KEL: variants seen among roughly 807,000 people sequenced by gnomAD.
The protein encoded by KEL is Kell metallo-endopeptidase (Kell blood group), also known as kell blood group glycoprotein.
KEL carries 96 observed loss-of-function variants against 99.5 expected under a neutral mutation model. The ratio of observed to expected loss-of-function variants is 0.97; its 90% CI spans 0.82 to 1.14. The LOEUF is 1.14. Among genes scored for constraint, KEL ranks in the 50% most tolerant of loss-of-function variants. The pLI is 0.00. For synonymous variants in KEL, 355 were observed against 354.8 expected, an observed-to-expected ratio of 1.00 and a Z score of -0.01; for missense variants, 926 against 924.2, an observed-to-expected ratio of 1.00 and a Z score of -0.03.
In KEL at chr7:142,961,261, A is replaced by T. The variant is rs8175961; in HGVS notation, c.223+99T>A. The stretch of plus-strand genomic sequence containing the variant: ...AGGAAGAAGAACCATGGGGACCCCA[A>T]GGGTCAGGGTGGGCAGAAGCCCCAG... On this transcript the variant is annotated intron_variant, in intron 3 of 18. Coordinates refer to ENST00000355265, the MANE Select transcript of KEL (RefSeq NM_000420.3). The T allele has an allele frequency of 7.0e-4, 1,092 of 1,565,316 alleles. 10 individuals carry two copies. In the African/African-American group the frequency reaches 0.013, roughly 19 times the overall value.
intron 10 of KEL, among the ~76,000 whole-genome samples, chr7:142,947,113 C>G (rs1796553779): frequency 6.6e-6 from 1 of 152,126 alleles, no homozygotes; most frequent in Admixed American, 6.5e-5. Context: ...AAAACTTGAC[C>G]AAGGCATAAA....
chr7:142,944,362 C>T lies in KEL; in HGVS notation c.1452G>A (p.Trp484Ter), dbSNP rs755624561. ...GTCGGGCCAGCTCTGGCTTCAGGGC[C>T]CATTCTGAAGCCCCCATCTCCACCT... ...QLQVEMGASE[W>*]ALKPELARQE... The change falls in exon 13 of 19, where the codon TGG becomes TGA. Residue 484 changes from tryptophan (W) to a stop codon, truncating the protein, a stop_gained. Transcript: ENST00000355265. LOFTEE classifies it high-confidence loss of function. The T allele has an allele frequency of 1.9e-6, 3 of 1,613,982 alleles. No homozygotes were observed. Among genetic ancestry groups the T allele is most frequent in the South Asian group, 2.2e-5 (2 of 91,066 alleles).
chr7:142,945,845 C>A (rs888637346), intron 11 of KEL, among the ~76,000 whole-genome samples: 4 of 152,154 alleles, frequency 2.6e-5, no homozygotes, highest in African/African-American at 9.7e-5. Context: ...TCAGGCTGGT[C>A]TTGAACTCCT....
At position 142,960,913 on chromosome 7, in the gene KEL, C is replaced by A; in HGVS notation, c.400+15G>T. ...ACCCACTTGCACAGAGCATCTTCCA[C>A]CCTGCTTTCCTCACCCAGTATTCTC... On this transcript the variant is annotated intron_variant, in intron 4 of 18. Transcript: ENST00000355265. 6.2e-7 allele frequency: 1 copy of A among 1,613,910 alleles called. No homozygotes were observed.
intron 1 of KEL, 128 bp from the exon 2 acceptor site, chr7:142,962,000 C>T (rs1027538972): frequency 2.1e-5 from 33 of 1,609,156 alleles, no homozygotes; most frequent in Admixed American, 1.8e-4. Flanking sequence ...ATTTTTATCT[C>T]GGAGCAGTGT....
intron 6 of KEL, among the ~76,000 whole-genome samples, chr7:142,955,115 C>G (rs879532415): frequency 1.3e-5 from 2 of 152,178 alleles, no homozygotes; most frequent in Non-Finnish European, 2.9e-5. Context: ...CTCTGAACCT[C>G]TACTGCTTCA....
At position 142,942,950 on chromosome 7, in the gene KEL, G is replaced by T. The variant is rs1443775389; in HGVS notation, c.1866C>A (p.Ser622Arg). The change falls in exon 17 of 19, where the codon AGC becomes AGA. Residue 622 changes from serine to arginine, a missense_variant. Physicochemically the swap from Ser to Arg is moderately radical, Grantham distance 110. Coordinates refer to ENST00000355265, the MANE Select transcript of KEL (RefSeq NM_000420.3). Reference sequence around the variant, plus strand: ...TGAGGGAGTCATTGAAGGAGGTTCTGCTAGGTAATGGAAAGGCAGCATAAT... The same window carrying T: ...TGAGGGAGTCATTGAAGGAGGTTCTTCTAGGTAATGGAAAGGCAGCATAAT... ...KRHYAAFPLP[S>R]RTSFNDSLTF... The T allele has an allele frequency of 2.5e-6, 4 of 1,614,178 alleles. No homozygotes were observed. Among genetic ancestry groups the T allele is most frequent in the Non-Finnish European group, 3.4e-6 (4 of 1,180,016 alleles).
intron 12 of KEL, 28 bp downstream of exon 12, chr7:142,944,615 C>T (rs1562957796): frequency 5.1e-6 from 8 of 1,565,084 alleles, no homozygotes; most frequent in Admixed American, 1.7e-5. Flanking sequence ...GCACAGGCTC[C>T]CACACCAGCC....
chr7:142,957,903 C>T lies in KEL; in HGVS notation c.596G>A (p.Ser199Asn), dbSNP rs761802593. The T allele has an allele frequency of 5.0e-6, 8 of 1,614,006 alleles. No homozygotes were observed. The highest frequency in any genetic ancestry group is 1.7e-5 in the Admixed American group (1 of 59,994). The change falls in exon 6 of 19, where the codon AGT (serine) becomes AAT (asparagine). Residue 199 changes from serine to asparagine, a missense_variant. Transcript: ENST00000355265. ...GAAGAAAGGGAAATGGCCATACTGA[C>T]TCATCAGAAGTCTCAGCGTTCGGTT... ...NFNRTLRLLM[S>N]QYGHFPFFRA... is the part of the protein sequence containing the mutation.
At chr7:142,948,570 G>A (rs1238566345) in intron 10 of KEL, among the ~76,000 whole-genome samples, 1 of 152,188 alleles carries the variant, frequency 6.6e-6, no homozygotes. Flanking sequence ...AAACAAAATT[G>A]TGGAACGAAT....
Position 142,954,173 on chromosome 7 carries a change from G to T in KEL, c.924+11C>A, listed in dbSNP as rs1335100903. 6.2e-7 allele frequency: 1 copy of T among 1,607,028 alleles called. No individual in the cohort carries two copies. The highest frequency in any genetic ancestry group is 1.1e-5 in the South Asian group (1 of 91,060). ...CATGCCCACAGTCTTCTGGCCCCCA[G>T]TTCCAGGCACCTTGAGCTGGTCGAT... On this transcript the variant is annotated intron_variant, in intron 8 of 18. Transcript: ENST00000355265.
chr7:142,948,468 C>T (rs577881948), intron 10 of KEL, among the ~76,000 whole-genome samples: 12 of 152,060 alleles, frequency 7.9e-5, no homozygotes, highest in South Asian at 2.1e-4. Context: ...TCTAAGAGTC[C>T]GGAGGGAAGC....
chr7:142,949,167 A>G (rs1429213912), intron 10 of KEL, among the ~76,000 whole-genome samples: 2 of 152,174 alleles, frequency 1.3e-5, no homozygotes, highest in Non-Finnish European at 2.9e-5. Flanking sequence ...TATCTAGTCT[A>G]CCTTCCTCAC....
Position 142,954,361 on chromosome 7 carries a change from T to C in KEL, c.747A>G (p.Glu249=). ...CCAGCTGATTCAGGTAAGTCAGGTA[T>C]TCCCGAAAGATCTGGAGGAAGGAAA... The part of the protein sequence containing the change: ...EQKIYAQIFR[E]YLTYLNQLGT... The change falls in exon 8 of 19, where the codon GAA becomes GAG. Residue 249 remains glutamate, a synonymous_variant. Transcript: ENST00000355265. 6.2e-7 allele frequency: 1 copy of C among 1,614,182 alleles called. No homozygotes were observed.
intron 4 of KEL, among the ~76,000 whole-genome samples, chr7:142,959,015 A>C (rs8175970): frequency 0.011 from 1,714 of 151,728 alleles, 31 homozygotes; most frequent in African/African-American, 0.039. Context: ...TATTTCTTAA[A>C]TGTATTTGAT....
chr7:142,949,808 C>A (rs577696839), intron 10 of KEL, among the ~76,000 whole-genome samples: 2 of 152,318 alleles, frequency 1.3e-5, no homozygotes, highest in Admixed American at 1.3e-4. Flanking sequence ...AGATGTTGGG[C>A]TGAATATAAA....
At chr7:142,942,118 T>G in intron 18 of KEL, 2 of 427,646 alleles carry the variant, frequency 4.7e-6, no homozygotes, top group Non-Finnish European at 8.5e-6. Flanking sequence ...CACAGGCTCA[T>G]TTTTAAGGCA....
chr7:142,957,364 G>T (rs1010099932), intron 6 of KEL, among the ~76,000 whole-genome samples: 8 of 152,226 alleles, frequency 5.3e-5, no homozygotes, highest in African/African-American at 1.9e-4. Context: ...GTGTGTAGGG[G>T]TCAGATCACA....
At chr7:142,961,975 T>C in intron 1 of KEL, 103 bp from the exon 2 acceptor site, 2 of 1,605,870 alleles carry the variant, frequency 1.2e-6, no homozygotes, top group Non-Finnish European at 1.7e-6. Context: ...CTGCCTGCCC[T>C]GCCCCCACAC....
Sources: allele counts gnomAD v4.1 joint callset (sites outside exome capture counted in the v4.1 genomes callset), GRCh38; gene constraint gnomAD v4.1.1; transcripts MANE v1.5; gene names NCBI Gene and HGNC (gene_info 2026-07-23, HGNC 2026-07-21).